Variants in DAB2IP observed in about 807,000 individuals in gnomAD.
DAB2IP encodes DAB2 interacting protein.
Under a neutral mutation model 107.2 loss-of-function variants are expected in DAB2IP, and 28 were observed. The ratio of observed to expected loss-of-function variants is 0.26; its 90% confidence interval spans 0.19 to 0.36. The LOEUF (loss-of-function observed/expected upper bound fraction) is 0.36. Among genes scored for constraint, DAB2IP ranks in the 10% least tolerant of loss-of-function variants. The probability of loss-of-function intolerance (pLI) is 1.00; values close to 1 mark genes in which losing one functional copy is unlikely to be tolerated. For missense variants in DAB2IP, 1,400 were observed against 1,644.7 expected, an observed-to-expected ratio of 0.85 and a Z score of 2.57; for synonymous variants, 755 against 706.4, an observed-to-expected ratio of 1.07 and a Z score of -1.09.
chr9:121,759,884 G>A lies in DAB2IP; in HGVS notation c.616-1G>A. ...CACCCTGGACCCCCGTGCACATACA[G>A]GACAACAGCCGGCGTGTGGAGCACA... On this transcript the variant is annotated splice_acceptor_variant, in intron 5 of 15. Coordinates refer to ENST00000408936, the Ensembl canonical transcript of DAB2IP. LOFTEE classifies it high-confidence loss of function. The A allele has an allele frequency of 6.2e-7, 1 of 1,611,658 alleles. No homozygotes were observed. Among genetic ancestry groups the A allele is most frequent in the Non-Finnish European group, 8.5e-7 (1 of 1,178,542 alleles).
chr9:121,732,614 A>C (rs1228087259), intron 3 of DAB2IP, among the ~76,000 whole-genome samples: 1 of 152,124 alleles, frequency 6.6e-6, no homozygotes, highest in Non-Finnish European at 1.5e-5. Context: ...ACACAGCTCA[A>C]AACTAGGTGA....
rs200515341 is a variant in DAB2IP, at chr9:121,758,893, C to A, written c.517-5C>A. 2 of 1,612,466 alleles carry A rather than the reference C, an allele frequency of 1.2e-6. No homozygotes were observed. The highest frequency in any genetic ancestry group is 1.7e-6 in the Non-Finnish European group (2 of 1,179,526). On this transcript the variant is annotated splice_polypyrimidine_tract_variant and splice_region_variant and intron_variant, in intron 4 of 15. Coordinates refer to ENST00000408936, the Ensembl canonical transcript of DAB2IP. ...TCATAACACTGTCTTGCCTGCTCCC[C>A]ACAGGTGACGACGTCATCAGGAAGC... is the stretch of plus-strand genomic sequence containing the variant.
intron 1 of DAB2IP, among the ~76,000 whole-genome samples, chr9:121,623,965 T>G (rs944745113): frequency 5.3e-5 from 8 of 152,206 alleles, no homozygotes; most frequent in African/African-American, 1.9e-4. Context: ...GCCTCCATGT[T>G]TGTACATTTT....
intron 2 of DAB2IP, among the ~76,000 whole-genome samples, chr9:121,691,754 G>A (rs1829176156): frequency 1.3e-5 from 2 of 152,072 alleles, no homozygotes. Flanking sequence ...ACCTTCTTCC[G>A]GAGGAAGGAT....
At chr9:121,593,262 TTTG>T (rs1044590375) in intron 1 of DAB2IP, among the ~76,000 whole-genome samples, 2 of 152,000 alleles carry the variant, frequency 1.3e-5, no homozygotes, top group Admixed American at 6.6e-5. Flanking sequence ...CTCTTGGAAT[TTTG>T]TTGTTGTTGT....
At chr9:121,757,503 A>ATG (rs1833578554) in intron 4 of DAB2IP, among the ~76,000 whole-genome samples, 1 of 152,064 alleles carries the variant, frequency 6.6e-6, no homozygotes, top group Admixed American at 6.5e-5. Flanking sequence ...GAGCCTGCTC[A>ATG]CCTCCCAAAT....
chr9:121,670,828 C>T (rs1027836129), intron 1 of DAB2IP, among the ~76,000 whole-genome samples: 2 of 151,978 alleles, frequency 1.3e-5, no homozygotes, highest in Non-Finnish European at 2.9e-5. Flanking sequence ...ACCAGCCTAG[C>T]CAAAATGGTG....
chr9:121,650,645 A>G (rs545314512), upstream of DAB2IP, among the ~76,000 whole-genome samples: 113 of 152,344 alleles, frequency 7.4e-4, no homozygotes, highest in Admixed American at 1.3e-3. Flanking sequence ...CAAAGGAGGC[A>G]GCTCAGGCAG....
intron 1 of DAB2IP, among the ~76,000 whole-genome samples, chr9:121,665,980 TAACTCAAAGC>T (rs1833403073): frequency 6.6e-6 from 1 of 152,232 alleles, no homozygotes; most frequent in Admixed American, 6.5e-5. Flanking sequence ...CACAAACTTG[TAACTCAAAGC>T]AACAGAAAGT....
Position 121,782,939 on chromosome 9 carries a change from C to A in DAB2IP, c.*441C>A, listed in dbSNP as rs1835769055. 2.0e-6 allele frequency: 2 copies of A among 1,019,512 alleles called. No homozygotes were observed. Among genetic ancestry groups the A allele is most frequent in the Non-Finnish European group, 2.4e-6 (2 of 850,728 alleles). 63.2% of individuals were successfully genotyped at this position (1,019,512 alleles called of 1,614,324 possible). ...GGCTTCCCCTCGCCTCCTTGGGGGG[C>A]CCGGGACTCCCTGGCAGCCAGGCCC... is the stretch of plus-strand genomic sequence containing the variant. On this transcript the variant is annotated 3_prime_UTR_variant, in exon 16 of 16. Transcript: ENST00000408936. This position sits in a 1 kb window ranked among gnomAD's most constrained non-coding sequence, Gnocchi z 6.1.
intron 1 of DAB2IP, among the ~76,000 whole-genome samples, chr9:121,670,759 G>A (rs1833646998): frequency 6.6e-6 from 1 of 152,202 alleles, no homozygotes; most frequent in Admixed American, 6.5e-5. Context: ...GGTCACGGCT[G>A]TGATCCAAGC....
intron 1 of DAB2IP, among the ~76,000 whole-genome samples, chr9:121,668,186 G>A (rs1242513291): frequency 2.9e-5 from 4 of 138,366 alleles, no homozygotes; most frequent in African/African-American, 7.9e-5. Flanking sequence ...CACCATTTGA[G>A]CTGTTGTTGA....
chr9:121,609,345 G>A (rs1831003068), intron 1 of DAB2IP, among the ~76,000 whole-genome samples: 2 of 152,136 alleles, frequency 1.3e-5, no homozygotes, highest in Non-Finnish European at 2.9e-5. Flanking sequence ...TGAAGTTCTA[G>A]CCCGACCTGA....
intron 1 of DAB2IP, among the ~76,000 whole-genome samples, chr9:121,606,513 C>G (rs1830876914): frequency 6.6e-6 from 1 of 152,210 alleles, no homozygotes; most frequent in Non-Finnish European, 1.5e-5. Flanking sequence ...CACAGCTCAG[C>G]TCCCATGGCT....
At chr9:121,616,837 G>A (rs1236083737) in intron 1 of DAB2IP, among the ~76,000 whole-genome samples, 2 of 152,198 alleles carry the variant, frequency 1.3e-5, no homozygotes, top group Admixed American at 6.5e-5. Flanking sequence ...AGAGAGCAGC[G>A]GCTCCCAGTT....
At chr9:121,749,371 C>A (rs1295482217) in intron 3 of DAB2IP, among the ~76,000 whole-genome samples, 1 of 152,236 alleles carries the variant, frequency 6.6e-6, no homozygotes, top group Non-Finnish European at 1.5e-5. Flanking sequence ...AGCCTCTGGA[C>A]CTGCCTGGCT....
chr9:121,656,464 C>T (rs1037579507), intron 1 of DAB2IP, among the ~76,000 whole-genome samples: 1 of 152,262 alleles, frequency 6.6e-6, no homozygotes, highest in Non-Finnish European at 1.5e-5. Context: ...TGGCTCTCTG[C>T]CTCCACCTTG....
chr9:121,584,334 T>G (rs1359186149), intron 1 of DAB2IP, among the ~76,000 whole-genome samples: 2 of 152,074 alleles, frequency 1.3e-5, no homozygotes, highest in African/African-American at 4.8e-5. Context: ...GCCCAGGAAT[T>G]TGAGGCTGCA....
At chr9:121,741,395 C>T (rs968174726) in intron 3 of DAB2IP, among the ~76,000 whole-genome samples, 6 of 152,296 alleles carry the variant, frequency 3.9e-5, no homozygotes, top group Admixed American at 2.0e-4. Context: ...GGGCCCCTCC[C>T]GGAGAGGCAA....
Sources: gnomAD v4.1 joint callset for allele counts (sites outside exome capture counted in the v4.1 genomes callset) on GRCh38, gnomAD v4.1.1 for gene constraint, Gnocchi (gnomAD v3.1) non-coding constraint, MANE v1.5 for transcripts, NCBI Gene and HGNC (gene_info 2026-07-23, HGNC 2026-07-21) for gene names.